HIGD1C: variants seen among roughly 807,000 people sequenced by gnomAD.
HIGD1C encodes the protein HIG1 hypoxia inducible domain family member 1C, also known as HIG1 domain family member 1C.
In HIGD1C, 11 loss-of-function variants were observed where a neutral mutation model predicts 13.1. The ratio of observed to expected loss-of-function variants is 0.84; its 90% CI spans 0.53 to 1.39. HIGD1C has a LOEUF of 1.39. Ranked by LOEUF, HIGD1C falls within the 40% of genes most tolerant of loss-of-function variation. HIGD1C has a pLI of 0.00. For missense variants in HIGD1C, 110 were observed against 112.0 expected (o/e 0.98, Z 0.08); for synonymous variants, 36 against 37.7 (o/e 0.95, Z 0.17).
the HIGD1C span, among the ~76,000 whole-genome samples, chr12:50,941,892 CT>C: frequency 6.6e-6 from 1 of 151,996 alleles, no homozygotes. Flanking sequence ...TCCCTTGTTC[CT>C]TTTTTTCTTT....
chr12:50,951,866 G>A (rs1938907700), upstream of HIGD1C, among the ~76,000 whole-genome samples: 1 of 148,214 alleles, frequency 6.7e-6, no homozygotes, highest in South Asian at 2.1e-4. Flanking sequence ...AGGTTGCAGT[G>A]AGCCAAGATT....
intron 2 of HIGD1C, among the ~76,000 whole-genome samples, chr12:50,963,322 A>G (rs1033787409): frequency 6.8e-6 from 1 of 146,390 alleles, no homozygotes; most frequent in African/African-American, 2.5e-5. Flanking sequence ...GTGAACCAAA[A>G]CCACGCCACT....
chr12:50,951,216 T>C (rs1192450551), upstream of HIGD1C, among the ~76,000 whole-genome samples: 3 of 152,142 alleles, frequency 2.0e-5, no homozygotes, highest in Non-Finnish European at 4.4e-5. Flanking sequence ...TTAATCCACA[T>C]GATGAAAGCA....
chr12:50,937,231 C>G, the HIGD1C span, among the ~76,000 whole-genome samples: 2 of 152,232 alleles, frequency 1.3e-5, no homozygotes, highest in Non-Finnish European at 2.9e-5. Context: ...CAGGAGACAC[C>G]TGACCCCCTA....
At chr12:50,970,619 T>C (rs965651503), downstream of HIGD1C, 50 of 655,528 alleles carry the variant, frequency 7.6e-5, no homozygotes, top group Admixed American at 1.4e-4. Flanking sequence ...AGAATGCTCA[T>C]AGCCTTTGTA....
chr12:50,952,673 C>T (rs1291626162), upstream of HIGD1C, among the ~76,000 whole-genome samples: 1 of 152,172 alleles, frequency 6.6e-6, no homozygotes, highest in Non-Finnish European at 1.5e-5. Context: ...GTGTGCAGCT[C>T]GAGGCTTTGC....
Position 50,957,937 on chromosome 12 carries a change from GGTGTGTGTGTGTGTGTGTGT to G in HIGD1C, c.95-3002_95-2983del, listed in dbSNP as rs71089717. On this transcript the variant is annotated intron_variant, in intron 1 of 2. Coordinates refer to ENST00000398455, the Ensembl canonical transcript of HIGD1C. ...GAGACTACTGTATTCATGAATTGGA[GGTGTGTGTGTGTGTGTGTGT>G]GTGTGTGTGTGTGTGTGTGTGTGTG... 6.9e-3 allele frequency among the ~76,000 whole-genome samples: 919 copies of G among 132,502 alleles called. 6 individuals are homozygous for G. The highest frequency in any genetic ancestry group is 0.022 in the African/African-American group (804 of 36,662). 86.9% of individuals were successfully genotyped at this position (132,502 alleles called of 152,430 possible).
upstream of HIGD1C, among the ~76,000 whole-genome samples, chr12:50,951,288 C>T (rs1286528477): frequency 1.3e-5 from 2 of 152,086 alleles, no homozygotes; most frequent in East Asian, 1.9e-4. Context: ...CTTTGTGTTC[C>T]GTGATGACAG....
chr12:50,966,616 G>A (rs1464644906), intron 2 of HIGD1C, among the ~76,000 whole-genome samples: 2 of 152,204 alleles, frequency 1.3e-5, no homozygotes, highest in Admixed American at 1.3e-4. Context: ...TACCAAGGAA[G>A]TTCTGGCATT....
chr12:50,932,218 C>T, the HIGD1C span: 1 of 152,192 alleles, frequency 6.6e-6, no homozygotes, highest in Admixed American at 6.5e-5. Context: ...AGCCCCTAAA[C>T]ATCAAGCAAT....
intron 2 of HIGD1C, among the ~76,000 whole-genome samples, chr12:50,962,376 A>G (rs1417617188): frequency 6.6e-6 from 1 of 151,436 alleles, no homozygotes; most frequent in East Asian, 1.9e-4. Context: ...ATGCCTTTGC[A>G]CTCCAGCCTG....
the HIGD1C span, among the ~76,000 whole-genome samples, chr12:50,938,579 T>C: frequency 2.0e-5 from 3 of 152,052 alleles, no homozygotes; most frequent in Non-Finnish European, 2.9e-5. Context: ...CTCTACAGAG[T>C]GTGCAGCCCT....
At chr12:50,966,056 T>C (rs1331403716) in intron 2 of HIGD1C, among the ~76,000 whole-genome samples, 1 of 152,218 alleles carries the variant, frequency 6.6e-6, no homozygotes, top group Non-Finnish European at 1.5e-5. Context: ...GCCAAAGATC[T>C]CTGTGGCTTA....
intron 2 of HIGD1C, among the ~76,000 whole-genome samples, chr12:50,969,194 T>C (rs1277919613): frequency 6.6e-6 from 1 of 151,810 alleles, no homozygotes; most frequent in African/African-American, 2.4e-5. Flanking sequence ...CTAGGGGGGC[T>C]GAGACAGGAG....
chr12:50,934,568 A>G, the HIGD1C span, among the ~76,000 whole-genome samples: 1 of 152,348 alleles, frequency 6.6e-6, no homozygotes, highest in African/African-American at 2.4e-5. Context: ...ATGATGATAA[A>G]TGTTTTCTAT....
chr12:50,963,261 T>C (rs1452897876), intron 2 of HIGD1C, among the ~76,000 whole-genome samples: 1 of 147,840 alleles, frequency 6.8e-6, no homozygotes, highest in East Asian at 2.0e-4. Context: ...TCCCAGCTAC[T>C]CAGGAGGCTG....
the HIGD1C span, among the ~76,000 whole-genome samples, chr12:50,945,615 T>G: frequency 6.6e-6 from 1 of 152,148 alleles, no homozygotes; most frequent in African/African-American, 2.4e-5. Flanking sequence ...TCCATGCTCA[T>G]GGGTAGGAAG....
intron 2 of HIGD1C, among the ~76,000 whole-genome samples, chr12:50,962,125 C>T (rs1939353142): frequency 6.6e-6 from 1 of 152,156 alleles, no homozygotes; most frequent in Non-Finnish European, 1.5e-5. Flanking sequence ...GTGGCTTGCA[C>T]CTGTGATCCC....
chr12:50,970,511 T>C (rs752067491), downstream of HIGD1C: 1 of 1,512,900 alleles, frequency 6.6e-7, no homozygotes, highest in Admixed American at 2.0e-5. Flanking sequence ...AAATGAAGCT[T>C]ACATGCTGGA....
Sources: gnomAD v4.1 joint callset for allele counts (sites outside exome capture counted in the v4.1 genomes callset) on GRCh38, gnomAD v4.1.1 for gene constraint, MANE v1.5 for transcripts, NCBI Gene and HGNC (gene_info 2026-07-23, HGNC 2026-07-21) for gene names.